The following ASAP1 variants were observed in gnomAD, a reference collection of about 807,000 sequenced individuals.
ASAP1 encodes the protein ArfGAP with SH3 domain, ankyrin repeat and PH domain 1.
In ASAP1, 43 loss-of-function variants were observed where a neutral mutation model predicts 145.2. That is an observed-to-expected ratio of 0.30 (90% CI 0.23 to 0.38). The LOEUF (loss-of-function observed/expected upper bound fraction) is 0.38. Ranked by LOEUF, ASAP1 falls within the 10% of genes least tolerant of loss-of-function variation. ASAP1 has a pLI of 1.00. For missense variants in ASAP1, 1,018 were observed against 1,355.3 expected, an observed-to-expected ratio of 0.75 and a Z score of 3.91; for synonymous variants, 546 against 515.5, an observed-to-expected ratio of 1.06 and a Z score of -0.80.
chr8:130,099,240 G>A (rs1296493136), intron 24 of ASAP1, among the ~76,000 whole-genome samples: 1 of 150,442 alleles, frequency 6.6e-6, no homozygotes, highest in African/African-American at 2.4e-5. Context: ...GTGCAGTGGC[G>A]AGATCTCGGC....
chr8:130,326,356 G>C (rs1200757921), intron 3 of ASAP1, among the ~76,000 whole-genome samples: 1 of 152,220 alleles, frequency 6.6e-6, no homozygotes, highest in Non-Finnish European at 1.5e-5. Context: ...TGCAATGTAA[G>C]GGCCACACTT....
chr8:130,102,106 G>T (rs966178864), intron 24 of ASAP1, among the ~76,000 whole-genome samples: 2 of 152,042 alleles, frequency 1.3e-5, no homozygotes, highest in Non-Finnish European at 2.9e-5. Flanking sequence ...TTGCCTGACT[G>T]CTCTGGCTAG....
At chr8:130,156,355 G>A (rs1159110774) in intron 12 of ASAP1, among the ~76,000 whole-genome samples, 1 of 152,190 alleles carries the variant, frequency 6.6e-6, no homozygotes, top group Non-Finnish European at 1.5e-5. Context: ...CCATTATTAG[G>A]AGGTGGAACC....
intron 3 of ASAP1, among the ~76,000 whole-genome samples, chr8:130,303,268 A>G (rs963552746): frequency 6.6e-6 from 1 of 152,222 alleles, no homozygotes; most frequent in African/African-American, 2.4e-5. Context: ...CTATTCTAGC[A>G]CAGCAAAACT....
intron 3 of ASAP1, among the ~76,000 whole-genome samples, chr8:130,350,594 T>C (rs1034632035): frequency 2.4e-4 from 37 of 152,304 alleles, no homozygotes; most frequent in African/African-American, 8.9e-4. Context: ...TCAAACACAT[T>C]TGGCATGAGA....
At chr8:130,422,788 T>C (rs534991641) in intron 1 of ASAP1, among the ~76,000 whole-genome samples, 6 of 152,304 alleles carry the variant, frequency 3.9e-5, no homozygotes, top group Non-Finnish European at 8.8e-5. Flanking sequence ...AAATCTCCAC[T>C]GTCATTTGTG....
chr8:130,269,492 A>G (rs528979102), intron 3 of ASAP1, among the ~76,000 whole-genome samples: 1 of 152,354 alleles, frequency 6.6e-6, no homozygotes, highest in South Asian at 2.1e-4. Flanking sequence ...AAGAAACAAG[A>G]ATGTTAAACT....
rs147592851 is a variant in ASAP1 at position 130,286,217 on chromosome 8, T to C, written c.187-49223A>G. Among the ~76,000 whole-genome samples, 7 of 152,348 alleles carry C rather than the reference T, an allele frequency of 4.6e-5. No individual in the cohort carries two copies. The East Asian group carries it at 5.8e-4, about 13-fold the overall frequency. On this transcript the variant is annotated intron_variant, in intron 3 of 29. Transcript: ENST00000518721. ...AGACACCAGGACCACCTGAAGTACA[T>C]TGCACTGTTTCTTATAAAACACTAG...
In ASAP1 at chr8:130,305,068, C is replaced by T. The variant is rs186651756; in HGVS notation, c.186+52949G>A. On this transcript the variant is annotated intron_variant, in intron 3 of 29. Coordinates refer to ENST00000518721, the MANE Select transcript of ASAP1 (RefSeq NM_018482.4). Reference sequence around the variant, plus strand: ...AGGCATGAACCTACCTGAGGACCTTCGTGCTGTCGGACCCCCACAGCTAAA... The same window carrying T: ...AGGCATGAACCTACCTGAGGACCTTTGTGCTGTCGGACCCCCACAGCTAAA... 5.9e-5 allele frequency among the ~76,000 whole-genome samples: 9 copies of T among 152,266 alleles called. No homozygotes were observed. The East Asian group carries it at 7.7e-4, about 13-fold the overall frequency.
At position 130,354,985 on chromosome 8, in the gene ASAP1, A is replaced by G. The variant is rs554941615; in HGVS notation, c.186+3032T>C. 3.3e-5 allele frequency among the ~76,000 whole-genome samples: 5 copies of G among 152,324 alleles called. No individual in the cohort carries two copies. In the South Asian group the frequency reaches 6.2e-4, roughly 19 times the overall value. The stretch of plus-strand genomic sequence containing the variant: ...ATTGTAACCTCGGCCTCCCGGGTTC[A>G]TATGATTCTCCTGCCTCAGCCTCCC... On this transcript the variant is annotated intron_variant, in intron 3 of 29. Coordinates refer to ENST00000518721, the MANE Select transcript of ASAP1 (RefSeq NM_018482.4).
At chr8:130,422,454 C>A (rs1163118393) in intron 1 of ASAP1, among the ~76,000 whole-genome samples, 1 of 152,226 alleles carries the variant, frequency 6.6e-6, no homozygotes, top group Non-Finnish European at 1.5e-5. Flanking sequence ...CGCTTCCTGG[C>A]TCCTGCTCCC....
chr8:130,191,576 T>A (rs1261957241), intron 5 of ASAP1, among the ~76,000 whole-genome samples: 2 of 152,142 alleles, frequency 1.3e-5, no homozygotes, highest in African/African-American at 4.8e-5. Flanking sequence ...TCTACTACAT[T>A]ATGCTATTAT....
chr8:130,302,307 G>A (rs1237936423), intron 3 of ASAP1, among the ~76,000 whole-genome samples: 1 of 152,194 alleles, frequency 6.6e-6, no homozygotes, highest in Non-Finnish European at 1.5e-5. Context: ...TATTTTAGAA[G>A]GGGGTGAGTA....
In ASAP1 at chr8:130,283,583, G is replaced by GAAAAAAAAAAA. The variant is rs745389921; in HGVS notation, c.187-46590_187-46589insTTTTTTTTTTT. Among the ~76,000 whole-genome samples, 26 of 98,754 alleles carry GAAAAAAAAAAA rather than the reference G, an allele frequency of 2.6e-4. 3 individuals are homozygous for GAAAAAAAAAAA. Among genetic ancestry groups the GAAAAAAAAAAA allele is most frequent in the African/African-American group, 1.0e-3 (25 of 23,884 alleles). 64.8% of individuals were successfully genotyped at this position (98,754 alleles called of 152,430 possible). On this transcript the variant is annotated intron_variant, in intron 3 of 29. Transcript: ENST00000518721. ...GGTGACAGAACAAGACTCCATCACAGAAAGAAAAAAAAAAAAAAAAAAAAA... is the reference window on the plus strand; with the variant it reads ...GGTGACAGAACAAGACTCCATCACAGAAAAAAAAAAAAAAGAAAAAAAAAAAAAAAAAAAAA...
At chr8:130,397,812 G>A (rs1223289137) in intron 2 of ASAP1, among the ~76,000 whole-genome samples, 4 of 152,196 alleles carry the variant, frequency 2.6e-5, no homozygotes, top group Non-Finnish European at 5.9e-5. Flanking sequence ...TGTGGCCCCA[G>A]GGCATCCCAT....
chr8:130,192,017 G>GAA (rs1389163460), intron 5 of ASAP1, among the ~76,000 whole-genome samples: 3 of 151,736 alleles, frequency 2.0e-5, no homozygotes, highest in Non-Finnish European at 4.4e-5. Flanking sequence ...TGTCACCAGA[G>GAA]GGCTTCTCTG....
intron 25 of ASAP1, among the ~76,000 whole-genome samples, chr8:130,081,889 T>C (rs1255887589): frequency 6.6e-6 from 1 of 152,214 alleles, no homozygotes; most frequent in African/African-American, 2.4e-5. Flanking sequence ...CTGTGCTACA[T>C]ACTCATAGTA....
intron 19 of ASAP1, 35 bp downstream of exon 19, chr8:130,118,454 T>A: frequency 6.4e-7 from 1 of 1,573,570 alleles, no homozygotes; most frequent in Non-Finnish European, 8.6e-7. Flanking sequence ...ATTTTCCACA[T>A]TACTTTTTAT....
At chr8:130,264,415 G>A (rs140177011) in intron 3 of ASAP1, among the ~76,000 whole-genome samples, 36 of 152,290 alleles carry the variant, frequency 2.4e-4, no homozygotes, top group Admixed American at 7.8e-4. Flanking sequence ...GCAGTCGTGC[G>A]TGCCAGGCAG....
Sources: gnomAD v4.1 joint callset for allele counts (sites outside exome capture counted in the v4.1 genomes callset) on GRCh38, gnomAD v4.1.1 for gene constraint, MANE v1.5 for transcripts, NCBI Gene and HGNC (gene_info 2026-07-23, HGNC 2026-07-21) for gene names.